GNAQ: variants seen among roughly 807,000 people sequenced by gnomAD.
GNAQ encodes the protein guanine nucleotide-binding protein G(q) subunit alpha.
GNAQ carries 8 observed loss-of-function variants against 43.9 expected under a neutral mutation model. The ratio of observed to expected loss-of-function variants is 0.18; its 90% CI spans 0.11 to 0.33. The LOEUF (loss-of-function observed/expected upper bound fraction) is 0.33. Ranked by LOEUF, GNAQ falls within the 10% of genes least tolerant of loss-of-function variation. GNAQ has a pLI of 1.00. For missense variants in GNAQ, 158 were observed against 450.8 expected, an observed-to-expected ratio of 0.35 and a Z score of 5.88; for synonymous variants, 155 against 170.7, an observed-to-expected ratio of 0.91 and a Z score of 0.71.
At chr9:77,816,812 A>G (rs1030595921) in intron 2 of GNAQ, among the ~76,000 whole-genome samples, 31 of 152,228 alleles carry the variant, frequency 2.0e-4, no homozygotes, top group African/African-American at 7.5e-4. Context: ...TCACAAGAGT[A>G]TTAAGCAGAT....
intron 2 of GNAQ, among the ~76,000 whole-genome samples, chr9:77,864,332 C>T (rs552218596): frequency 5.9e-5 from 9 of 152,314 alleles, no homozygotes; most frequent in African/African-American, 2.2e-4. Context: ...CAAATTTCAA[C>T]ATGAGACTTG....
chr9:77,833,115 C>T (rs1324492639), intron 2 of GNAQ, among the ~76,000 whole-genome samples: 1 of 152,062 alleles, frequency 6.6e-6, no homozygotes, highest in Admixed American at 6.6e-5. Context: ...TACAGGCATG[C>T]ACCACCACAC....
chr9:77,854,900 T>C (rs1400861641), intron 2 of GNAQ, among the ~76,000 whole-genome samples: 1 of 152,214 alleles, frequency 6.6e-6, no homozygotes, highest in African/African-American at 2.4e-5. Context: ...TGGAAAAGTT[T>C]AATTGAAAAA....
rs554737375 is a variant in GNAQ at position 77,857,966 on chromosome 9, T to A, written c.322-42196A>T. 1.2e-4 allele frequency among the ~76,000 whole-genome samples: 18 copies of A among 152,232 alleles called. 1 individual carries two copies. Among genetic ancestry groups the A allele is most frequent in the African/African-American group, 4.1e-4 (17 of 41,554 alleles). ...CTTACAAACTCCCCAAAAGCTTTTT[T>A]AAACAGAGCTGTCAGCTCTGTTTGT... On this transcript the variant is annotated intron_variant, in intron 2 of 6. Transcript: ENST00000286548.
chr9:78,016,022 C>A (rs949647977), intron 1 of GNAQ, among the ~76,000 whole-genome samples: 2 of 151,760 alleles, frequency 1.3e-5, no homozygotes, highest in African/African-American at 4.8e-5. Context: ...ACGTTTTTTT[C>A]AACAAATGGT....
intron 1 of GNAQ, among the ~76,000 whole-genome samples, chr9:77,943,660 CTTT>C (rs34195207): frequency 4.4e-3 from 507 of 116,112 alleles, no homozygotes; most frequent in African/African-American, 0.015. Flanking sequence ...AAGTAACTAA[CTTT>C]TTTTTTTTTT....
chr9:78,027,249 T>C (rs536513137), intron 1 of GNAQ, among the ~76,000 whole-genome samples: 2 of 152,330 alleles, frequency 1.3e-5, no homozygotes, highest in African/African-American at 2.4e-5. Context: ...CCTGATTTTA[T>C]CTGCCACAGA....
chr9:77,992,548 A>C (rs192327246), intron 1 of GNAQ, among the ~76,000 whole-genome samples: 1 of 152,322 alleles, frequency 6.6e-6, no homozygotes. Flanking sequence ...AATTCCTCAA[A>C]AATAAAGACA....
intron 2 of GNAQ, among the ~76,000 whole-genome samples, chr9:77,888,570 T>C (rs539907783): frequency 4.9e-4 from 75 of 152,304 alleles, no homozygotes; most frequent in African/African-American, 1.7e-3. Flanking sequence ...CAGGACAAGA[T>C]GAACTTTTAC....
At chr9:77,735,381 T>C (rs1196288636) in intron 5 of GNAQ, among the ~76,000 whole-genome samples, 1 of 152,232 alleles carries the variant, frequency 6.6e-6, no homozygotes, top group Non-Finnish European at 1.5e-5. Flanking sequence ...CATTTGTAGC[T>C]TACCAAATGT....
At chr9:77,927,836 A>C (rs1829091731) in intron 1 of GNAQ, among the ~76,000 whole-genome samples, 1 of 152,160 alleles carries the variant, frequency 6.6e-6, no homozygotes. Context: ...CTCAGGACGA[A>C]TGCCCCCACC....
At chr9:77,924,886 T>C (rs1249067531) in intron 1 of GNAQ, among the ~76,000 whole-genome samples, 1 of 151,946 alleles carries the variant, frequency 6.6e-6, no homozygotes, top group African/African-American at 2.4e-5. Context: ...GGCTGACCAA[T>C]AGGGATTTCA....
chr9:77,919,282 T>C (rs1828961147), intron 2 of GNAQ, among the ~76,000 whole-genome samples: 1 of 152,122 alleles, frequency 6.6e-6, no homozygotes, highest in Admixed American at 6.5e-5. Context: ...CAAGATATAA[T>C]GCCAGGGACA....
At chr9:77,780,539 C>T (rs1474985977) in intron 5 of GNAQ, among the ~76,000 whole-genome samples, 1 of 151,490 alleles carries the variant, frequency 6.6e-6, no homozygotes, top group Admixed American at 6.6e-5. Flanking sequence ...TAGACTGATA[C>T]ATTGGCTACT....
At position 77,729,514 on chromosome 9, in the gene GNAQ, C is replaced by A. The variant is rs372685831; in HGVS notation, c.736-847G>T. On this transcript the variant is annotated intron_variant, in intron 5 of 6. Transcript: ENST00000286548. The stretch of plus-strand genomic sequence containing the variant: ...TAAATCATTCCTCTGAAAAAAAAAA[C>A]ATATCAGCCAAAAACTAGAGGGCCT... Among the ~76,000 whole-genome samples, 73 of 151,890 alleles carry A rather than the reference C, an allele frequency of 4.8e-4. 2 individuals are homozygous for A. In the East Asian group the frequency reaches 0.013, roughly 26 times the overall value.
At chr9:78,023,538 A>T (rs1437908836) in intron 1 of GNAQ, among the ~76,000 whole-genome samples, 2 of 152,170 alleles carry the variant, frequency 1.3e-5, no homozygotes, top group East Asian at 3.9e-4. Flanking sequence ...TCACAGAAGC[A>T]TTCCTCTTTA....
intron 1 of GNAQ, among the ~76,000 whole-genome samples, chr9:77,984,049 C>CAAAAA (rs72279886): frequency 0.021 from 1,395 of 67,932 alleles, 156 homozygotes; most frequent in Middle Eastern, 0.033. Context: ...TTTTGGAGAG[C>CAAAAA]AAAAAAAAAA....
chr9:78,017,304 T>A (rs1291392909), intron 1 of GNAQ, among the ~76,000 whole-genome samples: 1 of 152,196 alleles, frequency 6.6e-6, no homozygotes, highest in Non-Finnish European at 1.5e-5. Flanking sequence ...CAAAACTGGC[T>A]TTCGTGAGCA....
intron 2 of GNAQ, among the ~76,000 whole-genome samples, chr9:77,872,963 A>G (rs1300353035): frequency 3.3e-5 from 5 of 152,224 alleles, no homozygotes; most frequent in Non-Finnish European, 7.3e-5. Context: ...GGAGGTAAAT[A>G]AGAGGATATT....
Sources: allele counts gnomAD v4.1 joint callset (sites outside exome capture counted in the v4.1 genomes callset), GRCh38; gene constraint gnomAD v4.1.1; transcripts MANE v1.5; gene names NCBI Gene and HGNC (gene_info 2026-07-23, HGNC 2026-07-21).